AK5: variants seen among roughly 807,000 people sequenced by gnomAD.
AK5 encodes adenylate kinase isoenzyme 5.
AK5 carries 27 observed loss-of-function variants against 69.5 expected under a neutral mutation model. That is an observed-to-expected ratio of 0.39 (90% CI 0.29 to 0.54). The LOEUF (loss-of-function observed/expected upper bound fraction) is 0.54, where lower values mean the gene tolerates loss of function less well. AK5 is among the 20% of genes least tolerant of loss of function. The probability of loss-of-function intolerance (pLI) is 0.71; values close to 1 mark genes in which losing one functional copy is unlikely to be tolerated. For missense variants in AK5, 531 were observed against 700.4 expected, an observed-to-expected ratio of 0.76 and a Z score of 2.73; for synonymous variants, 260 against 244.4, an observed-to-expected ratio of 1.06 and a Z score of -0.60.
intron 6 of AK5, among the ~76,000 whole-genome samples, chr1:77,348,979 A>G (rs1662054596): frequency 6.6e-6 from 1 of 152,216 alleles, no homozygotes; most frequent in African/African-American, 2.4e-5. Context: ...GGCCAAACTA[A>G]TTGGAATTAA....
At chr1:77,324,700 A>AG (rs1660705090) in intron 5 of AK5, among the ~76,000 whole-genome samples, 1 of 45,424 alleles carries the variant, frequency 2.2e-5, no homozygotes, top group Non-Finnish European at 4.7e-5. Flanking sequence ...CTTTATAGGG[A>AG]AAAAAAAAAA....
At chr1:77,321,259 G>A (rs1660513569) in intron 5 of AK5, among the ~76,000 whole-genome samples, 1 of 152,088 alleles carries the variant, frequency 6.6e-6, no homozygotes, top group Non-Finnish European at 1.5e-5. Flanking sequence ...ATCACCTGAG[G>A]TCAGGAGTTT....
intron 10 of AK5, among the ~76,000 whole-genome samples, chr1:77,490,946 T>G (rs1655952255): frequency 6.6e-6 from 1 of 152,130 alleles, no homozygotes. Flanking sequence ...AGTGCTCCAA[T>G]TTGGGAAACA....
intron 6 of AK5, among the ~76,000 whole-genome samples, chr1:77,364,933 T>G (rs1175963708): frequency 6.6e-6 from 1 of 152,178 alleles, no homozygotes; most frequent in Admixed American, 6.5e-5. Context: ...TTATTGTTTT[T>G]GAGGAGCCTC....
intron 6 of AK5, among the ~76,000 whole-genome samples, chr1:77,350,201 A>G (rs1483499081): frequency 6.6e-6 from 1 of 152,198 alleles, no homozygotes; most frequent in Admixed American, 6.5e-5. Flanking sequence ...GAGCCACCAC[A>G]CTGAAGTAAT....
chr1:77,491,466 C>A (rs1655996772), intron 10 of AK5, among the ~76,000 whole-genome samples: 1 of 151,836 alleles, frequency 6.6e-6, no homozygotes, highest in African/African-American at 2.4e-5. Flanking sequence ...GCCATGGCGC[C>A]CGGCTAATTT....
At chr1:77,474,519 G>C (rs1365602191) in intron 8 of AK5, among the ~76,000 whole-genome samples, 1 of 152,214 alleles carries the variant, frequency 6.6e-6, no homozygotes, top group African/African-American at 2.4e-5. Flanking sequence ...CGGAGTGGTT[G>C]ATGGAAAACT....
intron 12 of AK5, among the ~76,000 whole-genome samples, chr1:77,526,630 C>A (rs1456730118): frequency 6.6e-6 from 1 of 151,714 alleles, no homozygotes; most frequent in Non-Finnish European, 1.5e-5. Context: ...CGCCCGCCAC[C>A]ACACCTGGCT....
intron 8 of AK5, among the ~76,000 whole-genome samples, chr1:77,427,947 G>A (rs1197190621): frequency 6.6e-6 from 1 of 152,092 alleles, no homozygotes; most frequent in Non-Finnish European, 1.5e-5. Flanking sequence ...ACATAAAATG[G>A]GAACTCACTT....
chr1:77,348,678 G>T (rs1662037147), intron 6 of AK5, among the ~76,000 whole-genome samples: 2 of 152,038 alleles, frequency 1.3e-5, no homozygotes, highest in Non-Finnish European at 2.9e-5. Context: ...TGAATGTCAT[G>T]TCATACTAAC....
intron 1 of AK5, among the ~76,000 whole-genome samples, chr1:77,284,200 A>C (rs1157688963): frequency 3.3e-5 from 5 of 152,240 alleles, no homozygotes; most frequent in Admixed American, 2.6e-4. Flanking sequence ...CAAAGGCTAC[A>C]TCCTTCAGTA....
intron 6 of AK5, among the ~76,000 whole-genome samples, chr1:77,405,984 C>G (rs532433880): frequency 2.0e-5 from 3 of 152,244 alleles, no homozygotes; most frequent in African/African-American, 7.2e-5. Flanking sequence ...TCTAGGGAAC[C>G]CTGGCTAAAA....
intron 8 of AK5, among the ~76,000 whole-genome samples, chr1:77,469,789 G>A (rs971331430): frequency 6.6e-6 from 1 of 152,210 alleles, no homozygotes; most frequent in African/African-American, 2.4e-5. Context: ...AAGCATAGCC[G>A]TGGAACTAGC....
chr1:77,357,891 A>T (rs1225200069), intron 6 of AK5, among the ~76,000 whole-genome samples: 1 of 152,188 alleles, frequency 6.6e-6, no homozygotes, highest in Non-Finnish European at 1.5e-5. Flanking sequence ...TCAAGTTTCT[A>T]TCAAGAGAAG....
chr1:77,424,633 C>T (rs975126237), intron 8 of AK5, among the ~76,000 whole-genome samples: 1 of 152,056 alleles, frequency 6.6e-6, no homozygotes, highest in African/African-American at 2.4e-5. Context: ...TGAAGAATGC[C>T]TTTGATGGGT....
intron 12 of AK5, among the ~76,000 whole-genome samples, chr1:77,532,827 C>T (rs1164496535): frequency 6.6e-6 from 1 of 152,164 alleles, no homozygotes; most frequent in Admixed American, 6.5e-5. Flanking sequence ...GCCAATGTCC[C>T]CAAGTCTCTG....
chr1:77,385,425 G>C (rs2349966), intron 6 of AK5, among the ~76,000 whole-genome samples: 60,949 of 151,944 alleles, frequency 0.4, 13,045 homozygotes, highest in East Asian at 0.63. Flanking sequence ...TCCCAAAGTG[G>C]TGGGATTACA....
chr1:77,424,094 C>G (rs1036007943), intron 8 of AK5, among the ~76,000 whole-genome samples: 15 of 152,192 alleles, frequency 9.9e-5, no homozygotes, highest in Non-Finnish European at 1.5e-5. Flanking sequence ...TACTTTATCA[C>G]AGCATTACTA....
chr1:77,411,008 G>T lies in AK5; in HGVS notation c.919G>T (p.Val307Leu). The T allele has an allele frequency of 6.2e-7, 1 of 1,613,894 alleles. No individual in the cohort carries two copies. The highest frequency in any genetic ancestry group is 8.5e-7 in the Non-Finnish European group (1 of 1,179,900). Residue 307 changes from valine (V) to leucine (L), a missense_variant, in exon 7 of 14, where the codon GTG (valine) becomes TTG (leucine). Coordinates refer to ENST00000354567, the MANE Select transcript of AK5 (RefSeq NM_174858.3). Reference protein sequence around the residue: ...TFDADRDEDEVFYDISMAVDN... With the variant: ...TFDADRDEDELFYDISMAVDN... ...TGATGCCGACCGCGATGAGGATGAG[G>T]TGTTCTATGACATCAGCATGGCAGT...
Sources: gnomAD v4.1 joint callset for allele counts (sites outside exome capture counted in the v4.1 genomes callset) on GRCh38, gnomAD v4.1.1 for gene constraint, MANE v1.5 for transcripts, NCBI Gene and HGNC (gene_info 2026-07-23, HGNC 2026-07-21) for gene names.